CNKSR2: variants seen among roughly 807,000 people sequenced by gnomAD.
CNKSR2 encodes the protein connector enhancer of kinase suppressor of Ras 2.
A neutral mutation model predicts 84.4 loss-of-function variants in CNKSR2; 14 were observed. The ratio of observed to expected loss-of-function variants is 0.17; its 90% CI spans 0.11 to 0.26. CNKSR2 has a LOEUF of 0.26. Among genes scored for constraint, CNKSR2 ranks in the 10% least tolerant of loss-of-function variants. The probability of loss-of-function intolerance (pLI) is 1.00; values close to 1 mark genes in which losing one functional copy is unlikely to be tolerated. For synonymous variants in CNKSR2, 275 were observed against 277.9 expected, an observed-to-expected ratio of 0.99 and a Z score of 0.10; for missense variants, 485 against 771.2, an observed-to-expected ratio of 0.63 and a Z score of 4.40.
At chrX:21,541,163 A>G (rs1371662358) in intron 11 of CNKSR2, among the ~76,000 whole-genome samples, 1 of 110,593 alleles carries the variant, frequency 9.0e-6, no homozygotes, top group Non-Finnish European at 1.9e-5. Context: ...TTGTATTTTT[A>G]GTAGAGACGT....
chrX:21,449,054 C>G (rs1352504489), intron 4 of CNKSR2, among the ~76,000 whole-genome samples: 1 of 111,388 alleles, frequency 9.0e-6, no homozygotes, highest in African/African-American at 3.3e-5. Flanking sequence ...CCTGTAATCC[C>G]AGCACTTTGG....
intron 10 of CNKSR2, among the ~76,000 whole-genome samples, chrX:21,530,469 T>C (rs2091875604): frequency 9.0e-6 from 1 of 111,621 alleles, no homozygotes; most frequent in Non-Finnish European, 1.9e-5. Flanking sequence ...ACATTACTTT[T>C]ATAAGCTCAT....
chrX:21,407,451 A>G (rs2090279131), intron 1 of CNKSR2, among the ~76,000 whole-genome samples: 1 of 110,815 alleles, frequency 9.0e-6, no homozygotes, highest in East Asian at 2.8e-4. Context: ...TCTGTTTCCT[A>G]TGCTATGCTT....
chrX:21,468,899 G>A (rs764831166), intron 4 of CNKSR2, among the ~76,000 whole-genome samples: 1 of 111,652 alleles, frequency 9.0e-6, no homozygotes, highest in East Asian at 2.8e-4. Context: ...ATCTTATAAA[G>A]CACACACAGC....
intron 1 of CNKSR2, among the ~76,000 whole-genome samples, chrX:21,414,751 GT>G (rs1361870402): frequency 7.2e-5 from 8 of 111,719 alleles, no homozygotes; most frequent in African/African-American, 2.6e-4. Context: ...TACAGATCTA[GT>G]TTCTTTCTTC....
intron 11 of CNKSR2, among the ~76,000 whole-genome samples, chrX:21,540,386 A>G (rs2091966389): frequency 1.8e-5 from 2 of 112,040 alleles, no homozygotes; most frequent in African/African-American, 6.5e-5. Flanking sequence ...AATAACTTCA[A>G]ACCTTCATAA....
At chrX:21,611,604 C>T (rs980969687) in intron 20 of CNKSR2, among the ~76,000 whole-genome samples, 1 of 111,883 alleles carries the variant, frequency 8.9e-6, no homozygotes, top group Non-Finnish European at 1.9e-5. Context: ...CAATTTTTTT[C>T]TTCTAGATTA....
intron 13 of CNKSR2, among the ~76,000 whole-genome samples, chrX:21,568,520 G>T (rs959558877): frequency 9.0e-6 from 1 of 111,328 alleles, no homozygotes; most frequent in African/African-American, 3.3e-5. Context: ...GTTTTTTTAG[G>T]ATATAACTGC....
intron 5 of CNKSR2, among the ~76,000 whole-genome samples, chrX:21,484,057 C>T (rs1435548710): frequency 1.8e-5 from 2 of 111,672 alleles, no homozygotes; most frequent in African/African-American, 3.3e-5. Flanking sequence ...TTTGGGAGGC[C>T]GAGGCAGGCA....
Position 21,601,361 on chromosome X carries a change from C to CT in CNKSR2, c.2044+18dup, listed in dbSNP as rs757686276. On this transcript the variant is annotated intron_variant, in intron 18 of 21. Transcript: ENST00000379510. ...TAAGCAGGAACAAGGTAAAGGAATA[C>CT]TTTTTTAAAATAATTATGTTATACT... The CT allele has an allele frequency of 9.6e-7, 1 of 1,041,858 alleles. No homozygotes were observed. The highest frequency in any genetic ancestry group is 1.3e-6 in the Non-Finnish European group (1 of 756,957). 85.9% of individuals were successfully genotyped at this position (1,041,858 alleles called of 1,213,427 possible).
chrX:21,408,498 A>G (rs1236877615), intron 1 of CNKSR2, among the ~76,000 whole-genome samples: 1 of 111,741 alleles, frequency 8.9e-6, no homozygotes, highest in East Asian at 2.8e-4. Context: ...GTGAAAATAC[A>G]CTTGTTGAGC....
At chrX:21,576,407 T>C (rs1209164822) in intron 13 of CNKSR2, among the ~76,000 whole-genome samples, 1 of 111,273 alleles carries the variant, frequency 9.0e-6, no homozygotes, top group African/African-American at 3.3e-5. Context: ...TAGCCCTAAA[T>C]GCTTACATGA....
intron 6 of CNKSR2, among the ~76,000 whole-genome samples, chrX:21,496,670 CTAAA>C (rs1265807771): frequency 9.0e-6 from 1 of 110,982 alleles, no homozygotes; most frequent in African/African-American, 3.3e-5. Flanking sequence ...TTTCAGGTAT[CTAAA>C]TATATAATTA....
intron 20 of CNKSR2, among the ~76,000 whole-genome samples, chrX:21,640,359 CAA>C (rs1021088931): frequency 1.8e-5 from 2 of 111,535 alleles, no homozygotes; most frequent in Non-Finnish European, 3.8e-5. Context: ...CCTTGTGAAA[CAA>C]AGTGGTAGAA....
At chrX:21,434,159 T>A (rs761133119) in intron 3 of CNKSR2, among the ~76,000 whole-genome samples, 4 of 111,158 alleles carry the variant, frequency 3.6e-5, no homozygotes, top group African/African-American at 1.3e-4. Flanking sequence ...TTACTCTCAT[T>A]TTCCCTATAA....
chrX:21,481,957 G>A lies in CNKSR2; in HGVS notation c.562-8502G>A, dbSNP rs911188051. On this transcript the variant is annotated intron_variant, in intron 5 of 21. Coordinates refer to ENST00000379510, the MANE Select transcript of CNKSR2 (RefSeq NM_014927.5). ...CTCCCTGTAGGAATACAGCCAAGTTGACAGCTTGGTTTCTGCCTTGTGAGA... is the reference window on the plus strand; with the variant it reads ...CTCCCTGTAGGAATACAGCCAAGTTAACAGCTTGGTTTCTGCCTTGTGAGA... Among the ~76,000 whole-genome samples the A allele has an allele frequency of 5.4e-5, 6 of 111,757 alleles. No homozygotes were observed. The South Asian group carries it at 1.1e-3, about 21-fold the overall frequency.
chrX:21,583,829 A>C (rs968115558), intron 13 of CNKSR2, among the ~76,000 whole-genome samples: 1 of 111,763 alleles, frequency 8.9e-6, no homozygotes. Flanking sequence ...CATCCAAAAG[A>C]GTGGGGAATG....
chrX:21,453,041 A>G (rs1439134904), intron 4 of CNKSR2, among the ~76,000 whole-genome samples: 1 of 109,944 alleles, frequency 9.1e-6, no homozygotes, highest in Non-Finnish European at 1.9e-5. Flanking sequence ...TCTATATACT[A>G]TCCTGGAAAA....
intron 13 of CNKSR2, among the ~76,000 whole-genome samples, chrX:21,567,797 T>G (rs1363383100): frequency 4.9e-3 from 20 of 4,042 alleles, no homozygotes; most frequent in Admixed American, 7.4e-3. Context: ...TTTTGTGTGG[T>G]GTGTGTGTGT....
Sources: gnomAD v4.1 joint callset for allele counts (sites outside exome capture counted in the v4.1 genomes callset) on GRCh38, gnomAD v4.1.1 for gene constraint, MANE v1.5 for transcripts, NCBI Gene and HGNC (gene_info 2026-07-23, HGNC 2026-07-21) for gene names.